RBBP4: variants seen among roughly 807,000 people sequenced by gnomAD.
RBBP4 encodes RB binding protein 4, chromatin remodeling factor.
RBBP4 carries 3 observed loss-of-function variants against 57.2 expected under a neutral mutation model. That is an observed-to-expected ratio of 0.05 (90% CI 0.02 to 0.14). The LOEUF (loss-of-function observed/expected upper bound fraction) is 0.14, where lower values mean the gene tolerates loss of function less well. Ranked by LOEUF, RBBP4 falls within the 10% of genes least tolerant of loss-of-function variation. The pLI is 1.00. For missense variants in RBBP4, 107 were observed against 520.6 expected, an observed-to-expected ratio of 0.21 and a Z score of 7.73; for synonymous variants, 151 against 171.5, an observed-to-expected ratio of 0.88 and a Z score of 0.93.
At chr1:32,676,635 GAAAA>G (rs796749819) in intron 11 of RBBP4, among the ~76,000 whole-genome samples, 1 of 5,740 alleles carries the variant, frequency 1.7e-4, no homozygotes, top group African/African-American at 2.0e-4. Flanking sequence ...AAAAGAAAAA[GAAAA>G]GCTGTTTGCT....
intron 2 of RBBP4, 51 bp from the exon 3 acceptor site, chr1:32,657,375 GC>G (rs1648191276): frequency 6.5e-7 from 1 of 1,545,704 alleles, no homozygotes; most frequent in Admixed American, 1.8e-5. Flanking sequence ...TGTTGACTTC[GC>G]CGTCTCCTGA....
chr1:32,675,906 T>C (rs997029575), intron 11 of RBBP4, among the ~76,000 whole-genome samples: 18 of 151,834 alleles, frequency 1.2e-4, no homozygotes, highest in Non-Finnish European at 1.8e-4. Context: ...GCCTGGGCAA[T>C]AAAGTGAGAC....
In RBBP4 at chr1:32,669,463, CT is replaced by C; in HGVS notation, c.889-21del. The C allele has an allele frequency of 1.3e-6, 2 of 1,573,122 alleles. No homozygotes were observed. The highest frequency in any genetic ancestry group is 1.7e-6 in the Non-Finnish European group (2 of 1,168,188). On this transcript the variant is annotated intron_variant, in intron 7 of 11. Coordinates refer to ENST00000373493, the MANE Select transcript of RBBP4 (RefSeq NM_005610.3). The surrounding 1 kb of genome is among the most constrained non-coding windows in gnomAD (Gnocchi z 4.9). ...TTTTTTTCTTAAAAAATTGATTACT[CT>C]TGCTTTTCTTTTTGTACATAGACTG...
At position 32,681,033 on chromosome 1, in the gene RBBP4, C is replaced by T. The variant is rs1293693039; in HGVS notation, c.*1328C>T. The T allele has an allele frequency of 6.5e-6, 1 of 153,194 alleles. No homozygotes were observed. Among genetic ancestry groups the T allele is most frequent in the Admixed American group, 6.5e-5 (1 of 15,290 alleles). The allele number at this position is 153,194 out of a possible 1,614,324, so 9.5% of individuals were successfully genotyped here. On this transcript the variant is annotated 3_prime_UTR_variant, in exon 12 of 12. Transcript: ENST00000373493. ...TTTTATTTCCCCAGTATGTTTTTCA[C>T]TGGGGCCTTTACTTAGGTTAGAAAT...
intron 3 of RBBP4, among the ~76,000 whole-genome samples, chr1:32,667,531 G>A (rs1325601129): frequency 2.6e-5 from 4 of 152,198 alleles, no homozygotes; most frequent in African/African-American, 4.8e-5. Flanking sequence ...CTTGGTGGTA[G>A]TGGTCCCCCA....
At chr1:32,661,875 T>C (rs918452145) in intron 3 of RBBP4, among the ~76,000 whole-genome samples, 1 of 59,118 alleles carries the variant, frequency 1.7e-5, no homozygotes, top group Admixed American at 2.5e-4. Context: ...GCCCACTTTT[T>C]TTTTTTTTTT....
At position 32,651,783 on chromosome 1, in the gene RBBP4, C is replaced by T. The variant is rs574657931; in HGVS notation, c.17-131C>T. 6.6e-5 allele frequency: 74 copies of T among 1,114,288 alleles called. No individual in the cohort carries two copies. In the Admixed American group the frequency reaches 1.3e-3, roughly 19 times the overall value. 69.0% of individuals were successfully genotyped at this position (1,114,288 alleles called of 1,614,324 possible). A position where few individuals can be genotyped will look rare whatever the true frequency, so the allele number is the denominator to read the frequency against. On this transcript the variant is annotated intron_variant, in intron 1 of 11. Coordinates refer to ENST00000373493, the MANE Select transcript of RBBP4 (RefSeq NM_005610.3). ...CCGCGAAAGTGGAGAGTGTGGATGC[C>T]TCTGCCGTGGGGATTTAGACAAATC...
chr1:32,678,524 G>C (rs1649219373), intron 11 of RBBP4, among the ~76,000 whole-genome samples: 1 of 140,480 alleles, frequency 7.1e-6, no homozygotes, highest in African/African-American at 2.6e-5. Flanking sequence ...ACCACACCTG[G>C]CCTGGACACC....
Position 32,680,281 on chromosome 1 carries a change from C to T in RBBP4, c.*576C>T, listed in dbSNP as rs564985598. 62 of 1,248,718 alleles carry T rather than the reference C, an allele frequency of 5.0e-5. 1 individual carries two copies. The Admixed American group carries it at 1.3e-3, about 26-fold the overall frequency. 77.4% of individuals were successfully genotyped at this position (1,248,718 alleles called of 1,614,324 possible). The stretch of plus-strand genomic sequence containing the variant: ...CCCCATATATTCATATATTTTTGCT[C>T]GTTAGTGTATTTCTTGAGCTGTTTT... On this transcript the variant is annotated 3_prime_UTR_variant, in exon 12 of 12. Coordinates refer to ENST00000373493, the MANE Select transcript of RBBP4 (RefSeq NM_005610.3).
chr1:32,664,492 G>A (rs778847612), intron 3 of RBBP4, among the ~76,000 whole-genome samples: 3 of 151,678 alleles, frequency 2.0e-5, no homozygotes, highest in Non-Finnish European at 4.4e-5. Context: ...TCACTCTGTC[G>A]CCCAGACTGG....
At chr1:32,659,008 G>A (rs7531144) in intron 3 of RBBP4, among the ~76,000 whole-genome samples, 142,846 of 146,890 alleles carry the variant, frequency 0.97, 69,574 homozygotes, top group Non-Finnish European at 1. Context: ...GTAAAATATA[G>A]TTATATATAA....
In RBBP4 at chr1:32,680,321, C is replaced by G. The variant is rs1649344425; in HGVS notation, c.*616C>G. The G allele has an allele frequency of 7.6e-7, 1 of 1,317,486 alleles. No individual in the cohort carries two copies. Among genetic ancestry groups the G allele is most frequent in the Non-Finnish European group, 9.7e-7 (1 of 1,036,050 alleles). 81.6% of individuals were successfully genotyped at this position (1,317,486 alleles called of 1,614,324 possible). ...TGAGCTGTTTTCATGTTGTTTATTT[C>G]CTGTCTGTGAAATGGTGTTTTTTTT... On this transcript the variant is annotated 3_prime_UTR_variant, in exon 12 of 12. Coordinates refer to ENST00000373493, the MANE Select transcript of RBBP4 (RefSeq NM_005610.3).
intron 3 of RBBP4, among the ~76,000 whole-genome samples, chr1:32,660,651 C>T (rs1648365031): frequency 6.6e-6 from 1 of 151,186 alleles, no homozygotes; most frequent in Admixed American, 6.6e-5. Flanking sequence ...GAACTCTGGC[C>T]TCAATCTTCC....
chr1:32,680,260 A>G lies in RBBP4; in HGVS notation c.*555A>G, dbSNP rs1649340316. 1 of 1,207,450 alleles carries G rather than the reference A, an allele frequency of 8.3e-7. No homozygotes were observed. The highest frequency in any genetic ancestry group is 3.0e-5 in the South Asian group (1 of 33,866). 74.8% of individuals were successfully genotyped at this position (1,207,450 alleles called of 1,614,324 possible). A position where few individuals can be genotyped will look rare whatever the true frequency, so the allele number is the denominator to read the frequency against. On this transcript the variant is annotated 3_prime_UTR_variant, in exon 12 of 12. Transcript: ENST00000373493. ...CAAAACAACACGTTCCTCTTTCCCC[A>G]TATATTCATATATTTTTGCTCGTTA...
At position 32,684,243 on chromosome 1, in the gene RBBP4, G is replaced by A. The variant is rs534113779; in HGVS notation, c.*4538G>A. 6.2e-7 allele frequency: 1 copy of A among 1,614,158 alleles called. No homozygotes were observed. Among genetic ancestry groups the A allele is most frequent in the Admixed American group, 1.7e-5 (1 of 60,006 alleles). ...GCCAGTATTAGATGAGATTTGTATA[G>A]CAGCAGAAACTGACTTATAAGTAGA... On this transcript the variant is annotated 3_prime_UTR_variant, in exon 12 of 12. Coordinates refer to ENST00000373493, the MANE Select transcript of RBBP4 (RefSeq NM_005610.3).
intron 3 of RBBP4, among the ~76,000 whole-genome samples, chr1:32,667,888 A>AGACT (rs1648721965): frequency 6.6e-6 from 1 of 152,184 alleles, no homozygotes; most frequent in Admixed American, 6.5e-5. Context: ...TTATATAAAT[A>AGACT]GACTATATTG....
chr1:32,670,026 C>T (rs935600469), intron 8 of RBBP4, among the ~76,000 whole-genome samples: 7 of 152,162 alleles, frequency 4.6e-5, no homozygotes, highest in African/African-American at 1.7e-4. Context: ...TCTATACTTT[C>T]TCAAACTGGT....
chr1:32,672,742 T>C (rs1037677349), intron 10 of RBBP4, 43 bp downstream of exon 10: 12 of 1,607,300 alleles, frequency 7.5e-6, no homozygotes, highest in Non-Finnish European at 1.0e-5. Context: ...GTCTGTAATT[T>C]AATGTCCTCT....
At chr1:32,678,669 A>G (rs1649233907) in intron 11 of RBBP4, among the ~76,000 whole-genome samples, 1 of 126,990 alleles carries the variant, frequency 7.9e-6, no homozygotes, top group Non-Finnish European at 1.5e-5. Context: ...GGCTCACTAC[A>G]ACCACCACCT....
Sources: gnomAD v4.1 joint callset for allele counts (sites outside exome capture counted in the v4.1 genomes callset) on GRCh38, gnomAD v4.1.1 for gene constraint, Gnocchi (gnomAD v3.1) non-coding constraint, MANE v1.5 for transcripts, NCBI Gene and HGNC (gene_info 2026-07-23, HGNC 2026-07-21) for gene names.